The following SH2D4A variants were observed in gnomAD, a reference collection of about 807,000 sequenced individuals.
SH2D4A encodes SH2 domain-containing protein 4A.
Under a neutral mutation model 64.7 loss-of-function variants are expected in SH2D4A, and 70 were observed. The ratio of observed to expected loss-of-function variants is 1.08; its 90% confidence interval spans 0.89 to 1.32. The LOEUF is 1.32. SH2D4A is among the 40% of genes most tolerant of loss of function. The probability of loss-of-function intolerance (pLI) is 0.00; values close to 1 mark genes in which losing one functional copy is unlikely to be tolerated. For missense variants in SH2D4A, 706 were observed against 540.1 expected (o/e 1.31, Z -3.04); for synonymous variants, 268 against 200.7 (o/e 1.34, Z -2.83).
At chr8:19,328,143 G>A (rs1327027828) in intron 2 of SH2D4A, among the ~76,000 whole-genome samples, 3 of 151,988 alleles carry the variant, frequency 2.0e-5, no homozygotes, top group Non-Finnish European at 4.4e-5. Context: ...TAAAGCACCT[G>A]CTTTTCCAAG....
chr8:19,376,279 C>T (rs534556401), intron 8 of SH2D4A, among the ~76,000 whole-genome samples: 1 of 152,116 alleles, frequency 6.6e-6, no homozygotes, highest in Non-Finnish European at 1.5e-5. Context: ...GGACGAAGCC[C>T]ACACACATTA....
rs2053572669 is a variant in SH2D4A at position 19,395,445 on chromosome 8, ATGG to A, written c.*806_*808del. ...GTTGAATTGTGTTCCCCCAAAATAT[ATGG>A]TGAAGTCTTAACCCCCATCCCCGTG... On this transcript the variant is annotated 3_prime_UTR_variant, in exon 10 of 10. Transcript: ENST00000265807. The A allele has an allele frequency of 6.6e-6, 1 of 152,224 alleles. No individual in the cohort carries two copies. Among genetic ancestry groups the A allele is most frequent in the East Asian group, 1.9e-4 (1 of 5,192 alleles). The allele number at this position is 152,224 out of a possible 1,614,324, so 9.4% of individuals were successfully genotyped here.
Position 19,319,535 on chromosome 8 carries a change from C to G in SH2D4A, c.-13C>G. 1 of 1,493,512 alleles carries G rather than the reference C, an allele frequency of 6.7e-7. No individual in the cohort carries two copies. The allele number at this position is 1,493,512 out of a possible 1,614,324, so 92.5% of individuals were successfully genotyped here. On this transcript the variant is annotated 5_prime_UTR_variant, in exon 2 of 10. Coordinates refer to ENST00000265807, the MANE Select transcript of SH2D4A (RefSeq NM_022071.4). ...CTTTTGCCACAAGTATAAAAGACTTCAGAAGTGCAAAGATGCTGAAACAGA... is the reference window on the plus strand; with the variant it reads ...CTTTTGCCACAAGTATAAAAGACTTGAGAAGTGCAAAGATGCTGAAACAGA...
intron 1 of SH2D4A, 57 bp downstream of exon 1, chr8:19,313,880 G>T: frequency 7.2e-7 from 1 of 1,389,356 alleles, no homozygotes; most frequent in African/African-American, 1.5e-5. Context: ...GTGGGAGTAG[G>T]GGGAAGGGAA....
intron 2 of SH2D4A, among the ~76,000 whole-genome samples, chr8:19,324,114 CAT>C (rs1465704563): frequency 4.6e-5 from 7 of 152,240 alleles, no homozygotes; most frequent in East Asian, 3.9e-4. Flanking sequence ...ACATCTAAAA[CAT>C]GTGCTCGCGT....
At chr8:19,315,293 G>A (rs902310912) in intron 1 of SH2D4A, among the ~76,000 whole-genome samples, 17 of 151,992 alleles carry the variant, frequency 1.1e-4, no homozygotes, top group African/African-American at 3.4e-4. Context: ...GGGCCACCAC[G>A]CCTGGCTAAT....
chr8:19,390,580 C>G (rs1452758765), intron 8 of SH2D4A, among the ~76,000 whole-genome samples: 3 of 152,128 alleles, frequency 2.0e-5, no homozygotes, highest in Non-Finnish European at 4.4e-5. Flanking sequence ...TTAGCTGCAC[C>G]AAGCCAGTTT....
intron 4 of SH2D4A, among the ~76,000 whole-genome samples, chr8:19,336,815 C>G (rs150589624): frequency 1.3e-5 from 2 of 152,214 alleles, no homozygotes; most frequent in Non-Finnish European, 2.9e-5. Flanking sequence ...TGCAGTGAGT[C>G]CTGATTACAC....
intron 4 of SH2D4A, among the ~76,000 whole-genome samples, chr8:19,354,380 C>T (rs1217626724): frequency 6.6e-6 from 1 of 152,104 alleles, no homozygotes; most frequent in African/African-American, 2.4e-5. Context: ...CCTAAAATTT[C>T]AAAGAAAAGG....
chr8:19,381,413 T>C (rs1357171868), intron 8 of SH2D4A, among the ~76,000 whole-genome samples: 1 of 152,208 alleles, frequency 6.6e-6, no homozygotes, highest in African/African-American at 2.4e-5. Flanking sequence ...CTAAGTATTC[T>C]TTTTGATGAT....
intron 2 of SH2D4A, among the ~76,000 whole-genome samples, chr8:19,324,092 G>T (rs2052233574): frequency 6.6e-6 from 1 of 152,230 alleles, no homozygotes; most frequent in African/African-American, 2.4e-5. Context: ...TTTATGTGAA[G>T]GCGCCTTGCG....
intron 9 of SH2D4A, among the ~76,000 whole-genome samples, chr8:19,393,846 G>C (rs1011924310): frequency 6.6e-5 from 10 of 152,164 alleles, no homozygotes; most frequent in South Asian, 4.1e-4. Flanking sequence ...CCCAAACTTT[G>C]TGACACCAGT....
At chr8:19,365,045 G>C (rs2052969185) in intron 7 of SH2D4A, among the ~76,000 whole-genome samples, 1 of 152,084 alleles carries the variant, frequency 6.6e-6, no homozygotes, top group Non-Finnish European at 1.5e-5. Flanking sequence ...ATCAAATGTT[G>C]ATTGAAAGAA....
In SH2D4A at chr8:19,333,053, T is replaced by C; in HGVS notation, c.280T>C (p.Cys94Arg). Residue 94 changes from cysteine to arginine, a missense_variant, in exon 3 of 10, where the codon TGT (cysteine) becomes CGT (arginine). Transcript: ENST00000265807. ...TCTAGATAAACCCTATGATGTGCTC[T>C]GTAATGAAATTATTGCTGAGAGGGC... ...HHLDKPYDVL[C>R]NEIIAERARL... The C allele has an allele frequency of 6.8e-6, 11 of 1,614,104 alleles. No individual in the cohort carries two copies. The highest frequency in any genetic ancestry group is 9.3e-6 in the Non-Finnish European group (11 of 1,180,018).
chr8:19,315,181 G>A (rs1196364318), intron 1 of SH2D4A, among the ~76,000 whole-genome samples: 1 of 152,124 alleles, frequency 6.6e-6, no homozygotes, highest in Non-Finnish European at 1.5e-5. Context: ...TGTCACCCAG[G>A]CTGTGGTGCA....
intron 1 of SH2D4A, among the ~76,000 whole-genome samples, chr8:19,316,440 C>A (rs946228389): frequency 6.6e-6 from 1 of 152,098 alleles, no homozygotes; most frequent in Non-Finnish European, 1.5e-5. Flanking sequence ...ATTGTAGAGA[C>A]GAAGTGGATG....
intron 8 of SH2D4A, among the ~76,000 whole-genome samples, chr8:19,376,165 T>G (rs906742362): frequency 6.6e-6 from 1 of 152,092 alleles, no homozygotes; most frequent in Non-Finnish European, 1.5e-5. Flanking sequence ...AGGCTGGAGA[T>G]GCGGGGAGGA....
chr8:19,377,220 A>G (rs1259498245), intron 8 of SH2D4A, among the ~76,000 whole-genome samples: 2 of 152,182 alleles, frequency 1.3e-5, no homozygotes, highest in African/African-American at 2.4e-5. Context: ...CGTCTCTATT[A>G]AAAATCCAAA....
intron 4 of SH2D4A, among the ~76,000 whole-genome samples, chr8:19,345,635 A>C (rs890650479): frequency 1.3e-5 from 2 of 152,230 alleles, no homozygotes; most frequent in African/African-American, 2.4e-5. Context: ...CTCAAAACAT[A>C]TCTTTTGGTC....
Sources: gnomAD v4.1 joint callset for allele counts (sites outside exome capture counted in the v4.1 genomes callset) on GRCh38, gnomAD v4.1.1 for gene constraint, MANE v1.5 for transcripts, NCBI Gene and HGNC (gene_info 2026-07-23, HGNC 2026-07-21) for gene names.